Variants in KIFBP observed in about 807,000 individuals in gnomAD.
KIFBP encodes KIF-binding protein.
KIFBP carries 46 observed loss-of-function variants against 58.9 expected under a neutral mutation model. That is an observed-to-expected ratio of 0.78 (90% CI 0.62 to 1.00). The LOEUF is 1.00. KIFBP is among the 50% of genes least tolerant of loss of function. The pLI is 0.00. For synonymous variants in KIFBP, 241 were observed against 283.4 expected (o/e 0.85, Z 1.50); for missense variants, 651 against 752.9 (o/e 0.86, Z 1.58).
Position 69,015,987 on chromosome 10 carries a change from T to G in KIFBP, c.1437T>G (p.His479Gln). The G allele has an allele frequency of 6.2e-7, 1 of 1,614,170 alleles. No homozygotes were observed. Among genetic ancestry groups the G allele is most frequent in the African/African-American group, 1.3e-5 (1 of 75,044 alleles). The change falls in exon 7 of 7, where the codon CAT (histidine) becomes CAG (glutamine). Residue 479 changes from histidine to glutamine, a missense_variant. Coordinates refer to ENST00000361983, the MANE Select transcript of KIFBP (RefSeq NM_015634.4). Reference protein sequence around the residue: ...VNRQIQFEIAHAYYDMMDLKV... With the variant: ...VNRQIQFEIAQAYYDMMDLKV... Reference sequence around the variant, plus strand: ...GACAGATCCAGTTTGAAATTGCACATGCTTACTATGATATGATGGATTTGA... The same window carrying G: ...GACAGATCCAGTTTGAAATTGCACAGGCTTACTATGATATGATGGATTTGA...
At chr10:69,008,377 TAAAAA>T (rs1211667916) in intron 4 of KIFBP, among the ~76,000 whole-genome samples, 7 of 75,422 alleles carry the variant, frequency 9.3e-5, no homozygotes, top group African/African-American at 5.0e-4. Context: ...CCCTGTCTCG[TAAAAA>T]AAAAAAAAAA....
At chr10:68,990,349 G>A (rs750386494) in intron 1 of KIFBP, among the ~76,000 whole-genome samples, 3 of 152,056 alleles carry the variant, frequency 2.0e-5, no homozygotes, top group Non-Finnish European at 1.5e-5. Context: ...GGGCAACAAA[G>A]TGAGACTCTG....
intron 1 of KIFBP, chr10:68,991,673 C>T: frequency 5.0e-6 from 1 of 199,986 alleles, no homozygotes; most frequent in Non-Finnish European, 1.1e-5. Flanking sequence ...TGCACCTGAG[C>T]AAAAGGGTAA....
rs1179791643 is a variant in KIFBP at position 69,016,298 on chromosome 10, G to A, written c.1748G>A (p.Cys583Tyr). Reference protein sequence around the residue: ...LEHYKFIVDYCEKHPEAAQEI... With the variant: ...LEHYKFIVDYYEKHPEAAQEI... ...CATTACAAATTTATTGTTGATTACT[G>A]TGAAAAGCATCCTGAGGCCGCCCAG... Residue 583 changes from cysteine to tyrosine, a missense_variant, in exon 7 of 7, where the codon TGT becomes TAT. Cys to Tyr is a radical substitution (Grantham distance 194, BLOSUM62 -2). Coordinates refer to ENST00000361983, the MANE Select transcript of KIFBP (RefSeq NM_015634.4). 2 of 1,606,590 alleles carry A rather than the reference G, an allele frequency of 1.2e-6. No individual in the cohort carries two copies. Among genetic ancestry groups the A allele is most frequent in the African/African-American group, 1.3e-5 (1 of 74,368 alleles).
At chr10:68,991,502 T>C (rs977031201) in intron 1 of KIFBP, 1 of 410,418 alleles carries the variant, frequency 2.4e-6, no homozygotes, top group Non-Finnish European at 5.0e-6. Context: ...AAGAAATGAA[T>C]AACATTGGAG....
intron 1 of KIFBP, among the ~76,000 whole-genome samples, chr10:68,995,974 A>G (rs1843398393): frequency 1.3e-5 from 2 of 152,242 alleles, no homozygotes; most frequent in South Asian, 4.1e-4. Context: ...CCTGGCCAAC[A>G]TGATGAAACC....
At chr10:69,004,316 G>A (rs1843506996) in intron 2 of KIFBP, among the ~76,000 whole-genome samples, 1 of 150,346 alleles carries the variant, frequency 6.7e-6, no homozygotes, top group African/African-American at 2.4e-5. Flanking sequence ...GAGGATCACT[G>A]GAGGCTAGGA....
At chr10:69,013,227 G>A (rs995125545) in intron 6 of KIFBP, among the ~76,000 whole-genome samples, 2 of 152,136 alleles carry the variant, frequency 1.3e-5, no homozygotes, top group African/African-American at 4.8e-5. Context: ...AACCATATCA[G>A]TGGTAAATAA....
intron 6 of KIFBP, among the ~76,000 whole-genome samples, chr10:69,014,984 G>A (rs536576368): frequency 4.0e-4 from 61 of 152,108 alleles, no homozygotes; most frequent in African/African-American, 1.3e-3. Context: ...GTGCTGTGGC[G>A]CAATCTCCAC....
At position 69,008,377 on chromosome 10, in the gene KIFBP, T is replaced by TAAAAAAA. The variant is rs1211667916; in HGVS notation, c.790-455_790-449dup. On this transcript the variant is annotated intron_variant, in intron 4 of 6. Transcript: ENST00000361983. Reference sequence around the variant, plus strand: ...GGGCCAGAGTGAGACCCCTGTCTCGTAAAAAAAAAAAAAAATATATATATA... The same window carrying TAAAAAAA: ...GGGCCAGAGTGAGACCCCTGTCTCGTAAAAAAAAAAAAAAAAAAAAAATATATATATA... Among the ~76,000 whole-genome samples, 8 of 75,410 alleles carry TAAAAAAA rather than the reference T, an allele frequency of 1.1e-4. 1 individual carries two copies. The highest frequency in any genetic ancestry group is 5.0e-4 in the African/African-American group (6 of 12,002). The allele number at this position is 75,410 out of a possible 152,430, so 49.5% of individuals were successfully genotyped here.
intron 4 of KIFBP, among the ~76,000 whole-genome samples, chr10:69,007,389 G>T (rs1843546648): frequency 6.6e-6 from 1 of 152,118 alleles, no homozygotes; most frequent in Non-Finnish European, 1.5e-5. Flanking sequence ...CAGTGATGAG[G>T]TTTTGCTACT....
chr10:68,997,945 G>A (rs1843424012), intron 1 of KIFBP, among the ~76,000 whole-genome samples: 1 of 151,700 alleles, frequency 6.6e-6, no homozygotes, highest in Admixed American at 6.6e-5. Context: ...TTCTTGGTAT[G>A]TGACAAATCT....
At chr10:68,998,505 A>AGG (rs1453438085) in intron 1 of KIFBP, among the ~76,000 whole-genome samples, 2 of 151,724 alleles carry the variant, frequency 1.3e-5, no homozygotes, top group African/African-American at 4.8e-5. Flanking sequence ...GTATTTTAAT[A>AGG]GGAGATTGGT....
chr10:68,997,004 A>G (rs564906044), intron 1 of KIFBP, among the ~76,000 whole-genome samples: 11 of 152,308 alleles, frequency 7.2e-5, no homozygotes, highest in African/African-American at 2.6e-4. Flanking sequence ...AGAAAAATAA[A>G]ATAAAAGTGA....
At chr10:68,996,984 C>T (rs1410412958) in intron 1 of KIFBP, among the ~76,000 whole-genome samples, 1 of 152,186 alleles carries the variant, frequency 6.6e-6, no homozygotes, top group Non-Finnish European at 1.5e-5. Flanking sequence ...GAGACTTTGT[C>T]TCTATTTGAA....
intron 6 of KIFBP, 195 bp downstream of exon 6, chr10:69,011,210 T>G: frequency 1.8e-6 from 1 of 549,476 alleles, no homozygotes; most frequent in Non-Finnish European, 3.3e-6. Context: ...AGAGGCTGCG[T>G]GAGCCGAGAT....
At chr10:69,008,391 A>AAAAAAATATATATATATAT in intron 4 of KIFBP, among the ~76,000 whole-genome samples, 11 of 71,572 alleles carry the variant, frequency 1.5e-4, no homozygotes, top group African/African-American at 7.8e-4. Context: ...AAAAAAAAAA[A>AAAAAAATATATATATATAT]ATATATATAT....
intron 6 of KIFBP, among the ~76,000 whole-genome samples, chr10:69,013,867 A>G (rs886357948): frequency 1.3e-5 from 2 of 152,132 alleles, no homozygotes; most frequent in Non-Finnish European, 2.9e-5. Context: ...CTCCTACATC[A>G]GCCTGCCAAG....
At chr10:69,011,794 G>T (rs777379453) in intron 6 of KIFBP, among the ~76,000 whole-genome samples, 29 of 145,330 alleles carry the variant, frequency 2.0e-4, no homozygotes, top group Non-Finnish European at 3.9e-4. Context: ...GGGTTCAAAG[G>T]ATTCTCCTGC....
Sources: allele counts gnomAD v4.1 joint callset (sites outside exome capture counted in the v4.1 genomes callset), GRCh38; gene constraint gnomAD v4.1.1; transcripts MANE v1.5; gene names NCBI Gene and HGNC (gene_info 2026-07-23, HGNC 2026-07-21).